PIK3C3: variants seen among roughly 807,000 people sequenced by gnomAD.
PIK3C3 encodes phosphatidylinositol 3-kinase catalytic subunit type 3, also known as PI3-kinase type 3.
A neutral mutation model predicts 126.1 loss-of-function variants in PIK3C3; 95 were observed. The ratio of observed to expected loss-of-function variants is 0.75; its 90% CI spans 0.64 to 0.89. The LOEUF is 0.89. PIK3C3 is among the 40% of genes least tolerant of loss of function. PIK3C3 has a pLI of 0.00. For missense variants in PIK3C3, 829 were observed against 1,063.2 expected, an observed-to-expected ratio of 0.78 and a Z score of 3.06; for synonymous variants, 374 against 360.0, an observed-to-expected ratio of 1.04 and a Z score of -0.44.
At position 41,970,390 on chromosome 18, in the gene PIK3C3, A is replaced by G; in HGVS notation, c.465A>G (p.Glu155=). The part of the protein sequence containing the change: ...VWPNVEADGS[E]PTKTPGRTSS... The stretch of plus-strand genomic sequence containing the variant: ...CTAATGTAGAAGCAGATGGATCAGA[A>G]CCCACAAAAACTCCTGGCAGAACAA... The change falls in exon 4 of 25, where the codon GAA becomes GAG. Residue 155 remains glutamate, a synonymous_variant. Transcript: ENST00000262039. 1 of 1,613,426 alleles carries G rather than the reference A, an allele frequency of 6.2e-7. No homozygotes were observed. Among genetic ancestry groups the G allele is most frequent in the Non-Finnish European group, 8.5e-7 (1 of 1,179,400 alleles).
In PIK3C3 at chr18:42,081,787, A is replaced by T. The variant is rs962771999; in HGVS notation, c.*650A>T. 6.6e-6 allele frequency: 1 copy of T among 152,206 alleles called. No homozygotes were observed. The highest frequency in any genetic ancestry group is 2.4e-5 in the African/African-American group (1 of 41,466). The allele number at this position is 152,206 out of a possible 1,614,324, so 9.4% of individuals were successfully genotyped here. A position where few individuals can be genotyped will look rare whatever the true frequency, so the allele number is the denominator to read the frequency against. Reference sequence around the variant, plus strand: ...ACAGTTAATAGTTCTTCTAGCTTGTAAGTGTGTAAAGTAGAATATGAAAAT... The same window carrying T: ...ACAGTTAATAGTTCTTCTAGCTTGTTAGTGTGTAAAGTAGAATATGAAAAT... On this transcript the variant is annotated 3_prime_UTR_variant, in exon 25 of 25. Transcript: ENST00000262039.
chr18:42,059,675 TC>T (rs1329237444), intron 22 of PIK3C3: 7 of 152,264 alleles, frequency 4.6e-5, no homozygotes, highest in African/African-American at 1.7e-4. Flanking sequence ...GAGAGATTAA[TC>T]TAAATAATTT....
At chr18:41,979,036 G>T (rs1285407980) in intron 4 of PIK3C3, among the ~76,000 whole-genome samples, 1 of 142,462 alleles carries the variant, frequency 7.0e-6, no homozygotes, top group East Asian at 2.1e-4. Flanking sequence ...TTGACACCAG[G>T]CTGAGTAACA....
chr18:42,073,979 T>A (rs908876983), intron 24 of PIK3C3, among the ~76,000 whole-genome samples: 1 of 152,184 alleles, frequency 6.6e-6, no homozygotes, highest in Non-Finnish European at 1.5e-5. Context: ...ACATTTACCT[T>A]AGGTTTATGT....
intron 24 of PIK3C3, among the ~76,000 whole-genome samples, chr18:42,076,201 T>TGTGC: frequency 6.9e-6 from 1 of 144,010 alleles, no homozygotes; most frequent in African/African-American, 2.6e-5. Flanking sequence ...TGCACACATA[T>TGTGC]ATATATGCAC....
chr18:41,984,663 T>C (rs1158400608), intron 4 of PIK3C3, among the ~76,000 whole-genome samples: 1 of 152,148 alleles, frequency 6.6e-6, no homozygotes, highest in East Asian at 1.9e-4. Context: ...TTCTGCTGCC[T>C]AAAGTCCAGC....
intron 3 of PIK3C3, among the ~76,000 whole-genome samples, chr18:41,969,768 A>G (rs1252702524): frequency 6.6e-6 from 1 of 152,198 alleles, no homozygotes; most frequent in Admixed American, 6.5e-5. Context: ...TAATTTTTCC[A>G]GTTACCTTGT....
intron 24 of PIK3C3, among the ~76,000 whole-genome samples, chr18:42,071,804 G>C (rs1480309559): frequency 2.6e-5 from 4 of 151,598 alleles, no homozygotes; most frequent in Non-Finnish European, 4.4e-5. Context: ...TTTTTTACCA[G>C]AATTTCATAC....
chr18:42,074,452 A>G (rs1302336718), intron 24 of PIK3C3, among the ~76,000 whole-genome samples: 1 of 152,144 alleles, frequency 6.6e-6, no homozygotes, highest in Non-Finnish European at 1.5e-5. Context: ...TTTAATGAGA[A>G]TGTACTCTCC....
chr18:42,056,101 G>A (rs1263470256), intron 21 of PIK3C3, among the ~76,000 whole-genome samples: 1 of 151,778 alleles, frequency 6.6e-6, no homozygotes, highest in Non-Finnish European at 1.5e-5. Context: ...ATTTCATTAT[G>A]TGTATTTTTT....
chr18:42,025,692 A>T (rs1268327054), intron 13 of PIK3C3: 2 of 152,216 alleles, frequency 1.3e-5, no homozygotes, highest in Non-Finnish European at 1.5e-5. Flanking sequence ...AGTGTCTTGA[A>T]AAGGGGATCT....
chr18:42,057,936 C>G lies in PIK3C3; in HGVS notation c.2317C>G (p.Leu773Val). 1 of 1,613,882 alleles carries G rather than the reference C, an allele frequency of 6.2e-7. No individual in the cohort carries two copies. Among genetic ancestry groups the G allele is most frequent in the Non-Finnish European group, 8.5e-7 (1 of 1,179,876 alleles). ...TATTTTGGGTCGGGATCCAAAGCCT[C>G]TTCCTCCACCAATGAAGCTGAATAA... is the stretch of plus-strand genomic sequence containing the variant. ...GYILGRDPKPLPPPMKLNKEM... is the reference protein window; with the variant it reads ...GYILGRDPKPVPPPMKLNKEM... The change falls in exon 22 of 25, where the codon CTT becomes GTT. Residue 773 changes from leucine (L) to valine (V), a missense_variant. Physicochemically the swap from Leu to Val is conservative, Grantham distance 32. Coordinates refer to ENST00000262039, the MANE Select transcript of PIK3C3 (RefSeq NM_002647.4).
intron 22 of PIK3C3, among the ~76,000 whole-genome samples, chr18:42,061,732 G>T (rs1401215880): frequency 2.6e-5 from 4 of 152,142 alleles, no homozygotes. Context: ...TAATACCAAA[G>T]GTAGTGACAA....
At chr18:41,962,000 T>G (rs1980113356) in intron 2 of PIK3C3, among the ~76,000 whole-genome samples, 1 of 152,188 alleles carries the variant, frequency 6.6e-6, no homozygotes, top group South Asian at 2.1e-4. Flanking sequence ...TGGAGCAGTC[T>G]GGTAACTTCA....
intron 16 of PIK3C3, among the ~76,000 whole-genome samples, chr18:42,036,047 T>A (rs1305766089): frequency 5.9e-5 from 9 of 152,208 alleles, no homozygotes; most frequent in Non-Finnish European, 1.3e-4. Flanking sequence ...CTCCTGCCTG[T>A]CATTTATCTT....
rs553374876 is a variant in PIK3C3, at chr18:42,060,506, C to A, written c.2432+2455C>A. Among the ~76,000 whole-genome samples the A allele has an allele frequency of 9.2e-5, 14 of 152,214 alleles. 1 individual carries two copies. In the South Asian group the frequency reaches 2.9e-3, roughly 32 times the overall value. On this transcript the variant is annotated intron_variant, in intron 22 of 24. Coordinates refer to ENST00000262039, the MANE Select transcript of PIK3C3 (RefSeq NM_002647.4). Reference sequence around the variant, plus strand: ...CATTTACCAGCTGGGCACGGTGACTCACTCCTGTAATCCAAGCACTCTGGG... The same window carrying A: ...CATTTACCAGCTGGGCACGGTGACTAACTCCTGTAATCCAAGCACTCTGGG...
chr18:42,043,680 C>A, intron 19 of PIK3C3, 53 bp from the exon 20 acceptor site: 1 of 1,160,436 alleles, frequency 8.6e-7, no homozygotes, highest in Non-Finnish European at 1.3e-6. Flanking sequence ...TTCAAAACAC[C>A]TAGTTTGTTT....
chr18:41,982,198 C>T (rs1047797857), intron 4 of PIK3C3, among the ~76,000 whole-genome samples: 2 of 152,056 alleles, frequency 1.3e-5, no homozygotes, highest in African/African-American at 4.8e-5. Context: ...TGGCCTTTAA[C>T]CTGAGGGAGT....
At chr18:42,022,901 T>G (rs942099712) in intron 13 of PIK3C3, among the ~76,000 whole-genome samples, 1 of 152,168 alleles carries the variant, frequency 6.6e-6, no homozygotes, top group Admixed American at 6.5e-5. Context: ...GTTCTCTGTG[T>G]TCCAATCTGA....
Sources: allele counts gnomAD v4.1 joint callset (sites outside exome capture counted in the v4.1 genomes callset), GRCh38; gene constraint gnomAD v4.1.1; transcripts MANE v1.5; gene names NCBI Gene and HGNC (gene_info 2026-07-23, HGNC 2026-07-21).